PDE1A: variants seen among roughly 807,000 people sequenced by gnomAD.
PDE1A encodes the protein dual specificity calcium/calmodulin-dependent 3',5'-cyclic nucleotide phosphodiesterase 1A.
A neutral mutation model predicts 61.7 loss-of-function variants in PDE1A; 35 were observed. The observed-to-expected ratio is 0.57, with a 90% CI of 0.43 to 0.75. PDE1A has a LOEUF of 0.75. Ranked by LOEUF, PDE1A falls within the 30% of genes least tolerant of loss-of-function variation. The probability of loss-of-function intolerance (pLI) is 0.00; values close to 1 mark genes in which losing one functional copy is unlikely to be tolerated. For missense variants in PDE1A, 597 were observed against 630.6 expected, an observed-to-expected ratio of 0.95 and a Z score of 0.57; for synonymous variants, 232 against 213.2, an observed-to-expected ratio of 1.09 and a Z score of -0.77.
chr2:182,679,327 G>A, the PDE1A span, among the ~76,000 whole-genome samples: 3 of 150,336 alleles, frequency 2.0e-5, no homozygotes, highest in Non-Finnish European at 3.0e-5. Flanking sequence ...GGGACTACAG[G>A]CGCCCGCCAC....
chr2:182,295,764 T>TGAGA (rs1238050404), intron 1 of PDE1A, among the ~76,000 whole-genome samples: 4 of 151,918 alleles, frequency 2.6e-5, no homozygotes, highest in African/African-American at 9.7e-5. Context: ...ATATATATAC[T>TGAGA]GAGAAAGAAA....
intron 2 of PDE1A, among the ~76,000 whole-genome samples, chr2:182,469,181 G>A (rs1276407180): frequency 6.6e-6 from 1 of 151,910 alleles, no homozygotes; most frequent in Non-Finnish European, 1.5e-5. Flanking sequence ...TTCTTCTCTA[G>A]CTATGAAAGT....
chr2:182,499,646 C>T (rs78896496), intron 2 of PDE1A, among the ~76,000 whole-genome samples: 1 of 152,070 alleles, frequency 6.6e-6, no homozygotes, highest in Admixed American at 6.5e-5. Context: ...ATAGCAATAC[C>T]GAGAGTTAAA....
At chr2:182,700,721 CAAAAAAAAAAA>C in the PDE1A span, among the ~76,000 whole-genome samples, 2 of 24,004 alleles carry the variant, frequency 8.3e-5, no homozygotes, top group South Asian at 6.1e-3. Context: ...GACTCCATCT[CAAAAAAAAAAA>C]AAAAAAAACA....
At chr2:182,688,050 G>A in the PDE1A span, among the ~76,000 whole-genome samples, 51 of 152,344 alleles carry the variant, frequency 3.3e-4, no homozygotes, top group South Asian at 0.011. Context: ...ATCTAGGTCT[G>A]ACTGGTGTAC....
chr2:182,602,067 C>A, the PDE1A span, among the ~76,000 whole-genome samples: 1 of 152,230 alleles, frequency 6.6e-6, no homozygotes, highest in Non-Finnish European at 1.5e-5. Flanking sequence ...TGCTGCCATT[C>A]ATGGTGCCCA....
intron 1 of PDE1A, among the ~76,000 whole-genome samples, chr2:182,324,958 T>C (rs1696948348): frequency 6.6e-6 from 1 of 152,188 alleles, no homozygotes. Context: ...CTCCTGCAGC[T>C]CAGAAAGGTT....
At chr2:182,447,512 A>C (rs917363282) in intron 2 of PDE1A, among the ~76,000 whole-genome samples, 2 of 152,068 alleles carry the variant, frequency 1.3e-5, no homozygotes, top group African/African-American at 4.8e-5. Context: ...TAGACCACCA[A>C]CAAGTAAAGG....
intron 2 of PDE1A, among the ~76,000 whole-genome samples, chr2:182,486,123 G>A (rs1226165573): frequency 1.3e-5 from 2 of 151,348 alleles, no homozygotes; most frequent in Admixed American, 6.6e-5. Context: ...CACAATTCAT[G>A]ATCAATATAA....
the PDE1A span, among the ~76,000 whole-genome samples, chr2:182,693,361 TA>T: frequency 6.6e-6 from 1 of 152,160 alleles, no homozygotes; most frequent in Admixed American, 6.5e-5. Flanking sequence ...ATTCCTTATT[TA>T]ATAAGGAATC....
chr2:182,200,940 A>G (rs17457303), intron 10 of PDE1A, among the ~76,000 whole-genome samples: 43,131 of 152,138 alleles, frequency 0.28, 6,546 homozygotes, highest in Non-Finnish European at 0.33. Flanking sequence ...AGAGAACGCC[A>G]GTCACAATCC....
the PDE1A span, among the ~76,000 whole-genome samples, chr2:182,633,069 T>C: frequency 6.6e-6 from 1 of 152,196 alleles, no homozygotes; most frequent in Non-Finnish European, 1.5e-5. Context: ...TCATGTTGGC[T>C]CCATTTGCTC....
chr2:182,430,196 C>T (rs192968881), upstream of PDE1A, among the ~76,000 whole-genome samples: 481 of 149,846 alleles, frequency 3.2e-3, 8 homozygotes, highest in African/African-American at 0.011. Flanking sequence ...AAAATTTTCG[C>T]AACCTACTCA....
chr2:182,370,877 C>A (rs1267884215), intron 1 of PDE1A, among the ~76,000 whole-genome samples: 1 of 152,108 alleles, frequency 6.6e-6, no homozygotes, highest in Non-Finnish European at 1.5e-5. Context: ...AAGTTACAAT[C>A]TTTCTAGAGA....
In PDE1A at chr2:182,223,268, C is replaced by T. The variant is rs566303866; in HGVS notation, c.776+596G>A. Among the ~76,000 whole-genome samples the T allele has an allele frequency of 2.6e-5, 4 of 152,064 alleles. No individual in the cohort carries two copies. In the South Asian group the frequency reaches 8.3e-4, roughly 31 times the overall value. The stretch of plus-strand genomic sequence containing the variant: ...CACTGTGATCCTGTACTCCTAGCAT[C>T]CATAATTGTGAAAAAATAAATTCAT... On this transcript the variant is annotated intron_variant, in intron 7 of 13. Transcript: ENST00000351439.
intron 1 of PDE1A, among the ~76,000 whole-genome samples, chr2:182,400,120 T>A (rs918497225): frequency 4.6e-5 from 7 of 152,204 alleles, no homozygotes; most frequent in Non-Finnish European, 8.8e-5. Context: ...GATTTTTACA[T>A]ATTTATTGGC....
At chr2:182,633,732 TCTTCCAAAAACAGA>T in the PDE1A span, among the ~76,000 whole-genome samples, 1,087 of 152,210 alleles carry the variant, frequency 7.1e-3, 12 homozygotes, top group African/African-American at 0.025. Flanking sequence ...AACATTACAT[TCTTCCAAAAACAGA>T]CTTCCACCTA....
chr2:182,297,468 C>T (rs1694962682), intron 1 of PDE1A, among the ~76,000 whole-genome samples: 1 of 152,126 alleles, frequency 6.6e-6, no homozygotes, highest in Non-Finnish European at 1.5e-5. Context: ...TTTTATAAAG[C>T]CACTTTTAAG....
chr2:182,293,006 C>T (rs761802669), intron 1 of PDE1A, among the ~76,000 whole-genome samples: 1 of 152,012 alleles, frequency 6.6e-6, no homozygotes, highest in Non-Finnish European at 1.5e-5. Flanking sequence ...AATTTACCTA[C>T]AGTGAAAGGG....
Sources: gnomAD v4.1 joint callset for allele counts (sites outside exome capture counted in the v4.1 genomes callset) on GRCh38, gnomAD v4.1.1 for gene constraint, MANE v1.5 for transcripts, NCBI Gene and HGNC (gene_info 2026-07-23, HGNC 2026-07-21) for gene names.